ACOXL: variants seen among roughly 807,000 people sequenced by gnomAD.
The protein encoded by ACOXL is acyl-CoA oxidase like, also known as acyl-coenzyme A oxidase-like protein.
A neutral mutation model predicts 71.9 loss-of-function variants in ACOXL; 70 were observed. The ratio of observed to expected loss-of-function variants is 0.97; its 90% confidence interval spans 0.80 to 1.19. ACOXL has a LOEUF of 1.19. Ranked by LOEUF, ACOXL falls within the 50% of genes most tolerant of loss-of-function variation. ACOXL has a pLI of 0.00. For missense variants in ACOXL, 703 were observed against 736.3 expected, an observed-to-expected ratio of 0.95 and a Z score of 0.52; for synonymous variants, 253 against 281.6, an observed-to-expected ratio of 0.90 and a Z score of 1.02.
chr2:110,921,558 T>C (rs982218809), intron 11 of ACOXL, among the ~76,000 whole-genome samples: 2 of 152,022 alleles, frequency 1.3e-5, no homozygotes, highest in Non-Finnish European at 2.9e-5. Flanking sequence ...CACGTCCGGC[T>C]AACTTTTTGT....
chr2:111,044,393 G>T lies in ACOXL; in HGVS notation c.1370-4825G>T, dbSNP rs545620489. ...AAGAGAACTGGTCCCTGGAGGAGTG[G>T]GTGCAAGTTCCAGGTGGGCAGTACC... is the stretch of plus-strand genomic sequence containing the variant. On this transcript the variant is annotated intron_variant, in intron 15 of 17. Coordinates refer to ENST00000439055, the MANE Select transcript of ACOXL (RefSeq NM_001142807.4). 2.3e-4 allele frequency among the ~76,000 whole-genome samples: 35 copies of T among 152,340 alleles called. 1 individual carries two copies. The South Asian group carries it at 7.0e-3, about 31-fold the overall frequency.
At chr2:110,873,340 C>CTT (rs1206387091) in intron 10 of ACOXL, among the ~76,000 whole-genome samples, 1 of 152,004 alleles carries the variant, frequency 6.6e-6, no homozygotes, top group Non-Finnish European at 1.5e-5. Context: ...AGCCAGAAGG[C>CTT]CTGGCCCCAG....
At chr2:110,793,998 T>G in intron 4 of ACOXL, 78 bp from the exon 5 acceptor site, 6 of 1,442,548 alleles carry the variant, frequency 4.2e-6, no homozygotes, top group Non-Finnish European at 4.9e-6. Context: ...TCACCACCAT[T>G]CTTAATGGTC....
At chr2:110,848,774 G>A (rs188148721) in intron 10 of ACOXL, among the ~76,000 whole-genome samples, 4 of 152,314 alleles carry the variant, frequency 2.6e-5, no homozygotes, top group Admixed American at 2.6e-4. Flanking sequence ...CACCTACACA[G>A]TGGTCTCCGG....
intron 8 of ACOXL, among the ~76,000 whole-genome samples, chr2:110,804,537 C>A (rs1686393216): frequency 6.6e-6 from 1 of 152,080 alleles, no homozygotes; most frequent in Non-Finnish European, 1.5e-5. Flanking sequence ...ACACAAATGT[C>A]CATAGCATAA....
chr2:110,918,940 T>C (rs2059964009), intron 11 of ACOXL, among the ~76,000 whole-genome samples: 1 of 152,190 alleles, frequency 6.6e-6, no homozygotes, highest in Non-Finnish European at 1.5e-5. Flanking sequence ...TAGGAATGCT[T>C]TTACACTGTT....
chr2:110,740,068 G>A (rs1171718055), intron 1 of ACOXL, among the ~76,000 whole-genome samples: 2 of 152,150 alleles, frequency 1.3e-5, no homozygotes, highest in East Asian at 3.9e-4. Flanking sequence ...ATTTAATTAT[G>A]CCATGCCCCA....
At chr2:110,982,362 C>T (rs1379900596) in intron 12 of ACOXL, among the ~76,000 whole-genome samples, 3 of 152,066 alleles carry the variant, frequency 2.0e-5, no homozygotes, top group African/African-American at 4.8e-5. Flanking sequence ...TCTCTTCTCT[C>T]CCCGCTCCTT....
chr2:110,738,586 G>A (rs1288711105), intron 1 of ACOXL, among the ~76,000 whole-genome samples: 1 of 152,150 alleles, frequency 6.6e-6, no homozygotes, highest in East Asian at 1.9e-4. Flanking sequence ...TCTGCACCTT[G>A]ATCTGTTATA....
rs894824840 is a variant in ACOXL, at chr2:110,765,338, A to C, written c.-22-3030A>C. On this transcript the variant is annotated intron_variant, in intron 1 of 17. Coordinates refer to ENST00000439055, the MANE Select transcript of ACOXL (RefSeq NM_001142807.4). Reference sequence around the variant, plus strand: ...ATTATGTCTTTTACCAAGTAGGGGAAGTTTTTAGCTATTATATCTTATACT... The same window carrying C: ...ATTATGTCTTTTACCAAGTAGGGGACGTTTTTAGCTATTATATCTTATACT... Among the ~76,000 whole-genome samples the C allele has an allele frequency of 7.2e-5, 11 of 152,186 alleles. 1 individual carries two copies. The highest frequency in any genetic ancestry group is 7.2e-4 in the Admixed American group (11 of 15,276).
chr2:110,993,098 A>G (rs1156526471), intron 13 of ACOXL, among the ~76,000 whole-genome samples: 1 of 152,228 alleles, frequency 6.6e-6, no homozygotes, highest in African/African-American at 2.4e-5. Context: ...ACATTTCTAA[A>G]TAATTTAGCA....
At chr2:110,813,464 C>T (rs1367294899) in intron 9 of ACOXL, among the ~76,000 whole-genome samples, 2 of 152,132 alleles carry the variant, frequency 1.3e-5, no homozygotes, top group Non-Finnish European at 2.9e-5. Context: ...TCATCTACTA[C>T]CGGGAGAACG....
chr2:110,775,320 G>T (rs1298788991), intron 2 of ACOXL, among the ~76,000 whole-genome samples: 1 of 151,826 alleles, frequency 6.6e-6, no homozygotes, highest in African/African-American at 2.4e-5. Context: ...ATACATTTTT[G>T]GAATAAAAAT....
rs200809608 is a variant in ACOXL at position 110,874,969 on chromosome 2, C to G, written c.788+33564C>G. 3.3e-5 allele frequency among the ~76,000 whole-genome samples: 5 copies of G among 152,224 alleles called. No homozygotes were observed. The East Asian group carries it at 9.7e-4, about 29-fold the overall frequency. On this transcript the variant is annotated intron_variant, in intron 10 of 17. Coordinates refer to ENST00000439055, the MANE Select transcript of ACOXL (RefSeq NM_001142807.4). The stretch of plus-strand genomic sequence containing the variant: ...ATCTGGGAGCGGGATTCTCACTGAC[C>G]TTGTTCCCTTGTCCTGCCACCGGCA...
At chr2:110,891,733 A>T (rs1697949840) in intron 10 of ACOXL, among the ~76,000 whole-genome samples, 1 of 152,134 alleles carries the variant, frequency 6.6e-6, no homozygotes, top group African/African-American at 2.4e-5. Flanking sequence ...GTACCATCTT[A>T]TACAGGTCAG....
chr2:110,955,145 C>T (rs1211617872), intron 12 of ACOXL, among the ~76,000 whole-genome samples: 1 of 152,268 alleles, frequency 6.6e-6, no homozygotes, highest in African/African-American at 2.4e-5. Context: ...GTGTCACTAA[C>T]AATTCTGTAA....
intron 17 of ACOXL, among the ~76,000 whole-genome samples, chr2:111,109,315 C>G (rs182408569): frequency 4.0e-4 from 61 of 152,274 alleles, no homozygotes; most frequent in African/African-American, 1.1e-3. Context: ...TTTATTATAT[C>G]AAATTTAGAA....
chr2:111,013,522 C>CAAAAAAA (rs56905916), intron 14 of ACOXL, among the ~76,000 whole-genome samples: 6 of 95,520 alleles, frequency 6.3e-5, no homozygotes, highest in Non-Finnish European at 1.3e-4. Flanking sequence ...GACCCTGTCT[C>CAAAAAAA]AAAAAAAAAA....
chr2:110,991,130 G>A (rs1415375052), intron 13 of ACOXL, among the ~76,000 whole-genome samples: 1 of 152,092 alleles, frequency 6.6e-6, no homozygotes, highest in African/African-American at 2.4e-5. Context: ...TTCTTTTCAT[G>A]TTAGTTTAAG....
Sources: gnomAD v4.1 joint callset for allele counts (sites outside exome capture counted in the v4.1 genomes callset) on GRCh38, gnomAD v4.1.1 for gene constraint, MANE v1.5 for transcripts, NCBI Gene and HGNC (gene_info 2026-07-23, HGNC 2026-07-21) for gene names.